Variants in RGS6 observed in about 807,000 individuals in gnomAD.
RGS6 encodes regulator of G-protein signaling 6.
Under a neutral mutation model 78.5 loss-of-function variants are expected in RGS6, and 30 were observed. The ratio of observed to expected loss-of-function variants is 0.38; its 90% CI spans 0.29 to 0.52. The LOEUF (loss-of-function observed/expected upper bound fraction) is 0.52, where lower values mean the gene tolerates loss of function less well. RGS6 is among the 20% of genes least tolerant of loss of function. The pLI is 0.85. For missense variants in RGS6, 495 were observed against 609.7 expected (o/e 0.81, Z 1.98); for synonymous variants, 206 against 206.0 (o/e 1.00, Z 0.00).
chr14:72,618,110 A>T, the RGS6 span, among the ~76,000 whole-genome samples: 4 of 151,984 alleles, frequency 2.6e-5, no homozygotes, highest in East Asian at 7.7e-4. Context: ...AGGAGACAAG[A>T]GCAGCCCCCG....
intron 2 of RGS6, among the ~76,000 whole-genome samples, chr14:72,146,281 G>T (rs973295404): frequency 6.6e-6 from 1 of 152,188 alleles, no homozygotes; most frequent in Non-Finnish European, 1.5e-5. Context: ...TCTTGCATTG[G>T]GGGTTAAGTT....
chr14:72,176,394 T>C (rs749851977), intron 2 of RGS6, among the ~76,000 whole-genome samples: 25 of 152,218 alleles, frequency 1.6e-4, no homozygotes, highest in Non-Finnish European at 3.4e-4. Context: ...GGGTAGGACC[T>C]GCAGACTTGC....
intron 2 of RGS6, among the ~76,000 whole-genome samples, chr14:72,164,071 TG>T (rs1273743091): frequency 3.3e-5 from 5 of 152,010 alleles, no homozygotes; most frequent in African/African-American, 1.2e-4. Flanking sequence ...GAAGGTTTTG[TG>T]GGGGAAATAA....
At chr14:72,130,303 C>CCATT (rs2096286986) in intron 2 of RGS6, among the ~76,000 whole-genome samples, 1 of 152,080 alleles carries the variant, frequency 6.6e-6, no homozygotes, top group African/African-American at 2.4e-5. Flanking sequence ...TTCCTGAACC[C>CCATT]CATTGTTCAA....
chr14:72,273,061 A>T (rs1342250448), intron 2 of RGS6, among the ~76,000 whole-genome samples: 3 of 151,228 alleles, frequency 2.0e-5, no homozygotes, highest in Non-Finnish European at 4.4e-5. Flanking sequence ...GGTTGCAGTG[A>T]GTGGAGGTTG....
intron 2 of RGS6, among the ~76,000 whole-genome samples, chr14:72,057,746 C>A (rs755726534): frequency 6.6e-6 from 1 of 152,310 alleles, no homozygotes; most frequent in Admixed American, 6.5e-5. Context: ...CTCCTACTTA[C>A]TGCTCAGAGG....
At chr14:72,572,948 GA>G in the RGS6 span, among the ~76,000 whole-genome samples, 2 of 151,580 alleles carry the variant, frequency 1.3e-5, no homozygotes, top group African/African-American at 4.8e-5. Context: ...GAAGGAGAGA[GA>G]AAAAAAGAGC....
At chr14:72,593,003 G>A in the RGS6 span, among the ~76,000 whole-genome samples, 4 of 152,220 alleles carry the variant, frequency 2.6e-5, no homozygotes, top group Admixed American at 2.6e-4. Context: ...TCCAAGAGGG[G>A]CCACTTCGAG....
At chr14:72,583,388 C>T in the RGS6 span, among the ~76,000 whole-genome samples, 9 of 152,180 alleles carry the variant, frequency 5.9e-5, no homozygotes, top group South Asian at 6.2e-4. Flanking sequence ...AGATGATAGA[C>T]GGATGACAGA....
At chr14:72,098,056 A>T (rs1054923417) in intron 2 of RGS6, among the ~76,000 whole-genome samples, 1 of 152,180 alleles carries the variant, frequency 6.6e-6, no homozygotes, top group African/African-American at 2.4e-5. Context: ...AAACTGGACC[A>T]TATAAGCTTT....
chr14:72,237,509 C>G lies in RGS6; in HGVS notation c.85-114586C>G, dbSNP rs117743779. Among the ~76,000 whole-genome samples the G allele has an allele frequency of 6.0e-3, 914 of 152,244 alleles. 5 individuals are homozygous for G. The highest frequency in any genetic ancestry group is 0.011 in the Non-Finnish European group (751 of 68,016). On this transcript the variant is annotated intron_variant, in intron 2 of 17. Transcript: ENST00000553525. The stretch of plus-strand genomic sequence containing the variant: ...TCCTCATCTGTTCTCAGATGAGCTT[C>G]GTAACTACCTGCTGAAGAGGCAGAG...
chr14:72,289,697 G>A (rs182914352), intron 2 of RGS6, among the ~76,000 whole-genome samples: 1 of 152,292 alleles, frequency 6.6e-6, no homozygotes, highest in African/African-American at 2.4e-5. Context: ...CAGGTCTTCT[G>A]ACTCTACATC....
the RGS6 span, among the ~76,000 whole-genome samples, chr14:71,897,020 T>G: frequency 6.6e-6 from 1 of 152,246 alleles, no homozygotes; most frequent in Non-Finnish European, 1.5e-5. Flanking sequence ...TCTCCCTTGT[T>G]GCACTTACTG....
At chr14:71,967,729 C>T (rs1190084834) in intron 2 of RGS6, among the ~76,000 whole-genome samples, 1 of 152,086 alleles carries the variant, frequency 6.6e-6, no homozygotes, top group Non-Finnish European at 1.5e-5. Flanking sequence ...GATTCAGATG[C>T]TGACATTTAA....
intron 2 of RGS6, among the ~76,000 whole-genome samples, chr14:72,014,366 C>T (rs2086512029): frequency 6.6e-6 from 1 of 152,138 alleles, no homozygotes; most frequent in Non-Finnish European, 1.5e-5. Flanking sequence ...TTGCTATTGC[C>T]CCAAACATTT....
In RGS6 at chr14:72,562,474, CT is replaced by C. The variant is rs745310743; in HGVS notation, c.*8del. The C allele has an allele frequency of 2.5e-6, 4 of 1,612,168 alleles. No individual in the cohort carries two copies. The highest frequency in any genetic ancestry group is 1.7e-5 in the Admixed American group (1 of 60,038). Reference sequence around the variant, plus strand: ...CCTGATGCAGTCCTCCTGACCGTTCCTACCGCAGGTCCAGGGCCTGGGCCCG... The same window carrying C: ...CCTGATGCAGTCCTCCTGACCGTTCCACCGCAGGTCCAGGGCCTGGGCCCG... On this transcript the variant is annotated 3_prime_UTR_variant, in exon 18 of 18. Transcript: ENST00000553525.
intron 3 of RGS6, among the ~76,000 whole-genome samples, chr14:72,428,305 C>T (rs1047084130): frequency 6.6e-6 from 1 of 152,076 alleles, no homozygotes; most frequent in Non-Finnish European, 1.5e-5. Flanking sequence ...TCACCTAATA[C>T]ATATTTATGT....
intron 2 of RGS6, among the ~76,000 whole-genome samples, chr14:72,340,667 T>C (rs1216073146): frequency 3.3e-5 from 5 of 152,168 alleles, no homozygotes; most frequent in Non-Finnish European, 7.3e-5. Flanking sequence ...CTTTCCAGTT[T>C]TTGCAGCTGC....
At chr14:72,429,045 C>CA (rs975799546) in intron 3 of RGS6, among the ~76,000 whole-genome samples, 1 of 152,006 alleles carries the variant, frequency 6.6e-6, no homozygotes, top group African/African-American at 2.4e-5. Flanking sequence ...TACTAAAATA[C>CA]AAAAAAAGTT....
Sources: gnomAD v4.1 joint callset for allele counts (sites outside exome capture counted in the v4.1 genomes callset) on GRCh38, gnomAD v4.1.1 for gene constraint, MANE v1.5 for transcripts, NCBI Gene and HGNC (gene_info 2026-07-23, HGNC 2026-07-21) for gene names.